Variants in BCAS3 observed in about 807,000 individuals in gnomAD.
The protein encoded by BCAS3 is BCAS4/BCAS3 fusion.
In BCAS3, 53 loss-of-function variants were observed where a neutral mutation model predicts 116.1. That is an observed-to-expected ratio of 0.46 (90% CI 0.37 to 0.57). The LOEUF is 0.57. BCAS3 is among the 20% of genes least tolerant of loss of function. The pLI is 0.00. For synonymous variants in BCAS3, 391 were observed against 408.2 expected (o/e 0.96, Z 0.51); for missense variants, 917 against 1,165.4 (o/e 0.79, Z 3.10).
rs370193092 is a variant in BCAS3, at chr17:61,341,992, C to T, written c.2426-26335C>T. Among the ~76,000 whole-genome samples, 13 of 152,288 alleles carry T rather than the reference C, an allele frequency of 8.5e-5. No individual in the cohort carries two copies. The East Asian group carries it at 9.7e-4, about 11-fold the overall frequency. ...AGGCAGTGGGGGCAATCATGAACTT[C>T]GGACAGTGGTTTAGGGCTTGGTTCT... On this transcript the variant is annotated intron_variant, in intron 22 of 23. Transcript: ENST00000407086.
chr17:60,917,632 T>TA (rs1454485415), intron 12 of BCAS3, among the ~76,000 whole-genome samples: 1 of 152,098 alleles, frequency 6.6e-6, no homozygotes, highest in African/African-American at 2.4e-5. Context: ...CTTGCTCTGT[T>TA]ACCAAGGCTG....
At chr17:60,846,103 A>AT (rs1310330677) in intron 7 of BCAS3, among the ~76,000 whole-genome samples, 2 of 150,796 alleles carry the variant, frequency 1.3e-5, no homozygotes, top group Admixed American at 1.3e-4. Context: ...TAATTTTTAA[A>AT]TTTTTTTGTA....
intron 1 of BCAS3, among the ~76,000 whole-genome samples, chr17:60,678,730 A>G (rs1325325151): frequency 3.9e-5 from 6 of 152,222 alleles, no homozygotes; most frequent in African/African-American, 1.4e-4. Context: ...TGGAAGGTAG[A>G]GTGATATCAT....
intron 22 of BCAS3, among the ~76,000 whole-genome samples, chr17:61,158,854 A>G (rs534898247): frequency 3.0e-4 from 46 of 152,334 alleles, no homozygotes; most frequent in Admixed American, 1.1e-3. Flanking sequence ...TCTAATAACA[A>G]AACTTCTAAT....
intron 6 of BCAS3, among the ~76,000 whole-genome samples, chr17:60,804,030 T>C (rs2048052149): frequency 6.6e-6 from 1 of 150,598 alleles, no homozygotes; most frequent in Admixed American, 6.6e-5. Context: ...CTCGAACTCC[T>C]GACCTCAGGT....
intron 7 of BCAS3, among the ~76,000 whole-genome samples, chr17:60,809,457 A>G (rs912977405): frequency 3.3e-5 from 5 of 152,320 alleles, no homozygotes; most frequent in Admixed American, 1.3e-4. Context: ...TCATGCCTGC[A>G]GCTGCTCCTG....
At chr17:60,870,158 A>G (rs1312952163) in intron 8 of BCAS3, among the ~76,000 whole-genome samples, 66 of 152,358 alleles carry the variant, frequency 4.3e-4, no homozygotes, top group Admixed American at 6.5e-5. Context: ...CGTACGTATC[A>G]ATAAATGGCA....
intron 10 of BCAS3, among the ~76,000 whole-genome samples, chr17:60,893,775 A>T (rs1161430471): frequency 2.0e-5 from 3 of 151,680 alleles, no homozygotes; most frequent in Admixed American, 6.6e-5. Flanking sequence ...CACCTGGCTA[A>T]TTTTTGTATT....
At chr17:60,900,509 C>T (rs2145054307) in intron 10 of BCAS3, among the ~76,000 whole-genome samples, 1 of 152,282 alleles carries the variant, frequency 6.6e-6, no homozygotes, top group African/African-American at 2.4e-5. Context: ...TTCTCCTACC[C>T]ACTTTTGGTG....
intron 7 of BCAS3, chr17:60,811,287 TG>T: frequency 3.3e-6 from 3 of 899,540 alleles, no homozygotes; most frequent in Non-Finnish European, 5.2e-6. Context: ...AAGGTCAAGC[TG>T]GAGACTGAGA....
intron 7 of BCAS3, among the ~76,000 whole-genome samples, chr17:60,825,212 G>T (rs1208266667): frequency 1.3e-5 from 2 of 150,766 alleles, no homozygotes; most frequent in South Asian, 4.2e-4. Flanking sequence ...TGTGCACCTT[G>T]CTTGCTTTTC....
intron 22 of BCAS3, among the ~76,000 whole-genome samples, chr17:61,207,150 A>G (rs2081192686): frequency 6.6e-6 from 1 of 152,100 alleles, no homozygotes; most frequent in Non-Finnish European, 1.5e-5. Context: ...ATGTTTTTCA[A>G]ACGTTTATTG....
chr17:61,361,826 A>G lies in BCAS3; in HGVS notation c.2426-6501A>G, dbSNP rs3785844. On this transcript the variant is annotated intron_variant, in intron 22 of 23. Transcript: ENST00000407086. The surrounding 1 kb of genome is among the most constrained non-coding windows in gnomAD (Gnocchi z 6.5). ...CAAGTTCAAAGGCCTGAGAACCAGG[A>G]GTACCAGTGTCCAAGGGCAGGAATT... 124,008 of 152,060 alleles carry G rather than the reference A, an allele frequency of 0.82. 52,732 individuals carry two copies. The highest frequency in any genetic ancestry group is 0.93 in the South Asian group (4,466 of 4,806). 9.4% of individuals were successfully genotyped at this position (152,060 alleles called of 1,614,324 possible).
chr17:61,362,574 G>A lies in BCAS3; in HGVS notation c.2426-5753G>A, dbSNP rs2058508379. ...TTTAACAATGGTGTACAAAGGCAAAGCACGTGTTCCCCCAGCCTCCCCAGG... is the reference window on the plus strand; with the variant it reads ...TTTAACAATGGTGTACAAAGGCAAAACACGTGTTCCCCCAGCCTCCCCAGG... On this transcript the variant is annotated intron_variant, in intron 22 of 23. Coordinates refer to ENST00000407086, the MANE Select transcript of BCAS3 (RefSeq NM_017679.5). This position sits in a 1 kb window ranked among gnomAD's most constrained non-coding sequence, Gnocchi z 4.4. 4.6e-5 allele frequency among the ~76,000 whole-genome samples: 7 copies of A among 152,334 alleles called. No individual in the cohort carries two copies. The South Asian group carries it at 1.0e-3, about 23-fold the overall frequency.
intron 19 of BCAS3, among the ~76,000 whole-genome samples, chr17:61,055,283 T>G (rs1242564588): frequency 6.6e-6 from 1 of 152,214 alleles, no homozygotes; most frequent in Non-Finnish European, 1.5e-5. Flanking sequence ...TACAACTGTC[T>G]GCTGTGTTAG....
In BCAS3 at chr17:61,220,736, G is replaced by A. The variant is rs1453001109; in HGVS notation, c.2425+136172G>A. 6.6e-6 allele frequency among the ~76,000 whole-genome samples: 1 copy of A among 152,210 alleles called. No individual in the cohort carries two copies. The highest frequency in any genetic ancestry group is 6.5e-5 in the Admixed American group (1 of 15,282). On this transcript the variant is annotated intron_variant, in intron 22 of 23. Coordinates refer to ENST00000407086, the MANE Select transcript of BCAS3 (RefSeq NM_017679.5). This position sits in a 1 kb window ranked among gnomAD's most constrained non-coding sequence, Gnocchi z 4.5. ...AAAAAGTGGCCAAATTAACAAGGTT[G>A]TTGGTGTGATACAAGAACTTGGTCT... is the stretch of plus-strand genomic sequence containing the variant.
At chr17:61,119,288 G>T (rs1469086913) in intron 22 of BCAS3, among the ~76,000 whole-genome samples, 1 of 152,112 alleles carries the variant, frequency 6.6e-6, no homozygotes, top group Non-Finnish European at 1.5e-5. Flanking sequence ...TATGAATTTA[G>T]ATTCAGAAAT....
intron 6 of BCAS3, among the ~76,000 whole-genome samples, chr17:60,796,312 T>G (rs1295937377): frequency 6.6e-6 from 1 of 152,212 alleles, no homozygotes; most frequent in Non-Finnish European, 1.5e-5. Context: ...TGGTACCAAT[T>G]CTTTGAATGT....
chr17:60,979,627 T>G (rs1204960774), intron 14 of BCAS3, among the ~76,000 whole-genome samples: 6 of 149,344 alleles, frequency 4.0e-5, no homozygotes, highest in Non-Finnish European at 7.4e-5. Context: ...ATATTGGCTG[T>G]GGGTTTGTCA....
Sources: allele counts gnomAD v4.1 joint callset (sites outside exome capture counted in the v4.1 genomes callset), GRCh38; gene constraint gnomAD v4.1.1; non-coding constraint Gnocchi (gnomAD v3.1); transcripts MANE v1.5; gene names NCBI Gene and HGNC (gene_info 2026-07-23, HGNC 2026-07-21).